Variants in IL15 observed in about 807,000 individuals in gnomAD.
IL15 encodes interleukin 15.
Under a neutral mutation model 19.6 loss-of-function variants are expected in IL15, and 11 were observed. The ratio of observed to expected loss-of-function variants is 0.56; its 90% CI spans 0.35 to 0.93. The LOEUF (loss-of-function observed/expected upper bound fraction) is 0.93, where lower values mean the gene tolerates loss of function less well. IL15 is among the 40% of genes least tolerant of loss of function. The pLI is 0.01. For missense variants in IL15, 197 were observed against 186.5 expected, an observed-to-expected ratio of 1.06 and a Z score of -0.33; for synonymous variants, 58 against 59.6, an observed-to-expected ratio of 0.97 and a Z score of 0.12.
intron 2 of IL15, among the ~76,000 whole-genome samples, chr4:141,683,849 T>C (rs1218162164): frequency 6.6e-6 from 1 of 152,216 alleles, no homozygotes. Flanking sequence ...ATGGCATTGC[T>C]CACATCTACT....
At chr4:141,727,427 A>G (rs770524792) in intron 5 of IL15, among the ~76,000 whole-genome samples, 1 of 152,098 alleles carries the variant, frequency 6.6e-6, no homozygotes, top group Non-Finnish European at 1.5e-5. Flanking sequence ...TCTTGAAATG[A>G]CAAAATTATA....
chr4:141,666,092 A>ATTTATTTC (rs1477906325), intron 2 of IL15, among the ~76,000 whole-genome samples: 3 of 147,762 alleles, frequency 2.0e-5, no homozygotes, highest in African/African-American at 7.4e-5. Context: ...TTATTTATTT[A>ATTTATTTC]TTTATTTATT....
chr4:141,656,049 T>C (rs1727582466), intron 1 of IL15, 137 bp from the exon 2 acceptor site: 1 of 394,134 alleles, frequency 2.5e-6, no homozygotes, highest in African/African-American at 2.1e-5. Context: ...AGTCTTGACT[T>C]ATGCAGTTTT....
chr4:141,711,635 C>A (rs886890953), intron 2 of IL15, among the ~76,000 whole-genome samples: 10 of 152,002 alleles, frequency 6.6e-5, no homozygotes, highest in Non-Finnish European at 1.3e-4. Context: ...TGAATGATGT[C>A]AAAAATGTAC....
Position 141,721,922 on chromosome 4 carries a change from A to C in IL15, c.111-2A>C, listed in dbSNP as rs1021721448. The stretch of plus-strand genomic sequence containing the variant: ...TGCTTTGCTCTATGGTTTTTCTTTC[A>C]GCTGTTTCAGTGCAGGGCTTCCTAA... On this transcript the variant is annotated splice_acceptor_variant, in intron 4 of 7. Coordinates refer to ENST00000320650, the MANE Select transcript of IL15 (RefSeq NM_000585.5). LOFTEE classifies it high-confidence loss of function. 6.3e-7 allele frequency: 1 copy of C among 1,580,950 alleles called. No homozygotes were observed. The highest frequency in any genetic ancestry group is 1.7e-5 in the Admixed American group (1 of 58,446).
intron 5 of IL15, among the ~76,000 whole-genome samples, chr4:141,726,627 A>G (rs558864569): frequency 3.3e-5 from 5 of 152,304 alleles, no homozygotes; most frequent in South Asian, 2.1e-4. Flanking sequence ...AACTACGTGC[A>G]CACAAAAATA....
chr4:141,717,047 A>C (rs1283853551), intron 2 of IL15: 3 of 152,160 alleles, frequency 2.0e-5, no homozygotes, highest in Non-Finnish European at 2.9e-5. Flanking sequence ...ATTTGCCTTC[A>C]GGATGAAGTC....
intron 1 of IL15, among the ~76,000 whole-genome samples, chr4:141,637,410 T>A (rs1353965375): frequency 1.3e-5 from 2 of 152,062 alleles, no homozygotes; most frequent in African/African-American, 2.4e-5. Flanking sequence ...CAGGCCTGGG[T>A]CTGTATTGGT....
intron 5 of IL15, among the ~76,000 whole-genome samples, chr4:141,727,007 G>T (rs1297781838): frequency 6.6e-6 from 1 of 152,112 alleles, no homozygotes; most frequent in Non-Finnish European, 1.5e-5. Context: ...TTTGAAAAAG[G>T]CAAAGCTATG....
chr4:141,649,486 A>G (rs761006108), intron 1 of IL15, among the ~76,000 whole-genome samples: 2 of 152,028 alleles, frequency 1.3e-5, no homozygotes, highest in Admixed American at 6.6e-5. Context: ...CACACTTCCT[A>G]TAGAGGGTGC....
intron 2 of IL15, among the ~76,000 whole-genome samples, chr4:141,663,263 T>G (rs1013932678): frequency 6.6e-6 from 1 of 152,148 alleles, no homozygotes; most frequent in Admixed American, 6.5e-5. Flanking sequence ...ATAAACAAGG[T>G]GAACTGACAA....
At chr4:141,638,016 A>G (rs1475648849) in intron 1 of IL15, among the ~76,000 whole-genome samples, 2 of 152,224 alleles carry the variant, frequency 1.3e-5, no homozygotes, top group Admixed American at 1.3e-4. Context: ...GCTTGAGACC[A>G]GGAGTTCCAG....
At chr4:141,683,978 C>T (rs1330351003) in intron 2 of IL15, among the ~76,000 whole-genome samples, 2 of 152,138 alleles carry the variant, frequency 1.3e-5, no homozygotes, top group Admixed American at 6.5e-5. Flanking sequence ...AATATGAATA[C>T]TTGATACATA....
At chr4:141,687,434 C>A (rs566822904) in intron 2 of IL15, among the ~76,000 whole-genome samples, 30 of 152,282 alleles carry the variant, frequency 2.0e-4, no homozygotes, top group South Asian at 6.2e-4. Flanking sequence ...GCATCTGCTG[C>A]AAACTCAGGA....
chr4:141,666,955 A>G (rs1728007925), intron 2 of IL15, among the ~76,000 whole-genome samples: 1 of 152,186 alleles, frequency 6.6e-6, no homozygotes, highest in Non-Finnish European at 1.5e-5. Flanking sequence ...CCATGCTTCA[A>G]TCATTCCTAT....
chr4:141,678,605 ATTT>A (rs5862541), intron 2 of IL15, among the ~76,000 whole-genome samples: 2,770 of 126,564 alleles, frequency 0.022, 89 homozygotes, highest in African/African-American at 0.075. Flanking sequence ...GATTTCGTTG[ATTT>A]TTTTTTTTTT....
At chr4:141,658,003 T>G (rs1161733291) in intron 2 of IL15, among the ~76,000 whole-genome samples, 2 of 152,200 alleles carry the variant, frequency 1.3e-5, no homozygotes, top group African/African-American at 4.8e-5. Flanking sequence ...TCACCATAAA[T>G]TGAACAATGC....
At chr4:141,697,198 A>T (rs1729126485) in intron 2 of IL15, among the ~76,000 whole-genome samples, 1 of 152,022 alleles carries the variant, frequency 6.6e-6, no homozygotes, top group African/African-American at 2.4e-5. Flanking sequence ...AAGGCGAGAG[A>T]TGAGGATCCA....
chr4:141,687,363 G>T (rs1728743625), intron 2 of IL15, among the ~76,000 whole-genome samples: 1 of 152,226 alleles, frequency 6.6e-6, no homozygotes, highest in Non-Finnish European at 1.5e-5. Flanking sequence ...GTCCACTGGG[G>T]TTAGGTTGTC....
Sources: gnomAD v4.1 joint callset for allele counts (sites outside exome capture counted in the v4.1 genomes callset) on GRCh38, gnomAD v4.1.1 for gene constraint, MANE v1.5 for transcripts, NCBI Gene and HGNC (gene_info 2026-07-23, HGNC 2026-07-21) for gene names.